The following KRTAP10-12 variants were observed in gnomAD, a reference collection of about 807,000 sequenced individuals.
KRTAP10-12 encodes keratin associated protein 10-12.
For missense variants in KRTAP10-12, 311 were observed against 324.4 expected (o/e 0.96, Z 0.32); for synonymous variants, 142 against 139.1 (o/e 1.02, Z -0.14).
Position 44,697,942 on chromosome 21 carries a change from C to G in KRTAP10-12, c.*3C>G. On this transcript the variant is annotated 3_prime_UTR_variant, in exon 1 of 1. Coordinates refer to ENST00000400365, the MANE Select transcript of KRTAP10-12 (RefSeq NM_198699.1). ...CATGTTCCCGCCTGGCCTGCTGAGG[C>G]CTCTGCTCAGGCCAGAAGTCCAGCT... The G allele has an allele frequency of 6.2e-7, 1 of 1,609,324 alleles. No homozygotes were observed. The highest frequency in any genetic ancestry group is 2.2e-5 in the East Asian group (1 of 44,814).
Position 44,697,262 on chromosome 21 carries a change from G to T in KRTAP10-12, c.61G>T (p.Asp21Tyr). Residue 21 changes from aspartate to tyrosine, a missense_variant, in exon 1 of 1, where the codon GAC becomes TAC. By Grantham distance (160) the Asp-to-Tyr change is radical (BLOSUM62 -3). Coordinates refer to ENST00000400365, the MANE Select transcript of KRTAP10-12 (RefSeq NM_198699.1). ...CCGCGTCTGCCTTCCTGGTTCCTGT[G>T]ACTCTTGCTCCGACTCCTGGCAGGT... ...GSRVCLPGSC[D>Y]SCSDSWQVDD... is the part of the protein sequence containing the mutation. 6.2e-7 allele frequency: 1 copy of T among 1,614,078 alleles called. No homozygotes were observed. The highest frequency in any genetic ancestry group is 8.5e-7 in the Non-Finnish European group (1 of 1,180,000).
At position 44,697,881 on chromosome 21, in the gene KRTAP10-12, G is replaced by A. The variant is rs201774066; in HGVS notation, c.680G>A (p.Arg227His). 789 of 1,603,186 alleles carry A rather than the reference G, an allele frequency of 4.9e-4. 9 individuals carry two copies. Among genetic ancestry groups the A allele is most frequent in the Middle Eastern group, 4.5e-3 (27 of 6,010 alleles). Reference protein sequence around the residue: ...PTSSCQPSCGRLASCGSLLCR... With the variant: ...PTSSCQPSCGHLASCGSLLCR... Reference sequence around the variant, plus strand: ...TCCTCCTGCCAGCCAAGCTGCGGCCGCCTGGCCTCCTGCGGGTCCCTCCTC... The same window carrying A: ...TCCTCCTGCCAGCCAAGCTGCGGCCACCTGGCCTCCTGCGGGTCCCTCCTC... Residue 227 changes from arginine to histidine, a missense_variant, in exon 1 of 1, where the codon CGC becomes CAC. By Grantham distance (29) the Arg-to-His change is conservative. Coordinates refer to ENST00000400365, the MANE Select transcript of KRTAP10-12 (RefSeq NM_198699.1).
Position 44,698,015 on chromosome 21 carries a change from C to T in KRTAP10-12, c.*76C>T. 1.3e-6 allele frequency: 2 copies of T among 1,519,798 alleles called. No individual in the cohort carries two copies. The highest frequency in any genetic ancestry group is 8.9e-7 in the Non-Finnish European group (1 of 1,120,574). 94.1% of individuals were successfully genotyped at this position (1,519,798 alleles called of 1,614,324 possible). A position where few individuals can be genotyped will look rare whatever the true frequency, so the allele number is the denominator to read the frequency against. ...GCCACTGGGCACTATGAGTCCCCCA[C>T]CTCTCCCACTACTGGCCCCTCGGCT... On this transcript the variant is annotated 3_prime_UTR_variant, in exon 1 of 1. Transcript: ENST00000400365.
chr21:44,697,499 TG>T lies in KRTAP10-12; in HGVS notation c.299del (p.Cys100SerfsTer169). On this transcript the variant is annotated frameshift_variant, in exon 1 of 1. Transcript: ENST00000400365. LOFTEE classifies it low-confidence loss of function (END_TRUNC). ...GCCGGCTTGCTGCACCTCCTCCCCC[TG>T]CCAGCAGGCCTGCTGCGTGCCCGTC... ...CQPACCTSSP[C>X]QQACCVPVCC... 6.2e-7 allele frequency: 1 copy of T among 1,613,920 alleles called. No homozygotes were observed. Among genetic ancestry groups the T allele is most frequent in the East Asian group, 2.2e-5 (1 of 44,882 alleles).
Position 44,697,828 on chromosome 21 carries a change from G to T in KRTAP10-12, c.627G>T (p.Val209=), listed in dbSNP as rs782380109. The change falls in exon 1 of 1, where the codon GTG becomes GTT. Residue 209 remains valine, a synonymous_variant. Coordinates refer to ENST00000400365, the MANE Select transcript of KRTAP10-12 (RefSeq NM_198699.1). The part of the protein sequence containing the change: ...CRPVCRPARR[V]PVPSCCVPTS... ...CTGTGTGCAGACCCGCCCGCCGCGT[G>T]CCCGTCCCCTCCTGCTGTGTCCCCA... 116 of 1,613,372 alleles carry T rather than the reference G, an allele frequency of 7.2e-5. No homozygotes were observed. Among genetic ancestry groups the T allele is most frequent in the Admixed American group, 1.7e-4 (10 of 59,974 alleles).
chr21:44,697,560 G>T lies in KRTAP10-12; in HGVS notation c.359G>T (p.Cys120Phe). The change falls in exon 1 of 1, where the codon TGT (cysteine) becomes TTT (phenylalanine). Residue 120 changes from cysteine to phenylalanine, a missense_variant. Physicochemically the swap from Cys to Phe is radical, Grantham distance 205 (BLOSUM62 -2). Coordinates refer to ENST00000400365, the MANE Select transcript of KRTAP10-12 (RefSeq NM_198699.1). ...ACTGTCTGCTGCAAGCCTGTGTGCT[G>T]TATGCCCGTCTGCTGTGGGCCTTCT... ...CKTVCCKPVC[C>F]MPVCCGPSSS... 1 of 1,613,116 alleles carries T rather than the reference G, an allele frequency of 6.2e-7. No homozygotes were observed. Among genetic ancestry groups the T allele is most frequent in the Admixed American group, 1.7e-5 (1 of 59,910 alleles).
chr21:44,697,316 C>G lies in KRTAP10-12; in HGVS notation c.115C>G (p.Pro39Ala). The G allele has an allele frequency of 1.9e-6, 3 of 1,613,422 alleles. No individual in the cohort carries two copies. Among genetic ancestry groups the G allele is most frequent in the Non-Finnish European group, 2.5e-6 (3 of 1,179,962 alleles). ...VDDCPESCCE[P>A]PCCAPAPCLS... Reference sequence around the variant, plus strand: ...CGACTGCCCAGAGAGCTGCTGTGAGCCCCCCTGCTGCGCCCCGGCCCCCTG... The same window carrying G: ...CGACTGCCCAGAGAGCTGCTGTGAGGCCCCCTGCTGCGCCCCGGCCCCCTG... Residue 39 changes from proline to alanine, a missense_variant, in exon 1 of 1, where the codon CCC (proline) becomes GCC (alanine). Physicochemically the swap from Pro to Ala is conservative, Grantham distance 27. Transcript: ENST00000400365.
chr21:44,697,868 C>A lies in KRTAP10-12; in HGVS notation c.667C>A (p.Pro223Thr), dbSNP rs781851587. ...SCCVPTSSCQPSCGRLASCGS... is the reference protein window; with the variant it reads ...SCCVPTSSCQTSCGRLASCGS... ...CTGTGTCCCCACCTCCTCCTGCCAGCCAAGCTGCGGCCGCCTGGCCTCCTG... is the reference window on the plus strand; with the variant it reads ...CTGTGTCCCCACCTCCTCCTGCCAGACAAGCTGCGGCCGCCTGGCCTCCTG... The change falls in exon 1 of 1, where the codon CCA becomes ACA. Residue 223 changes from proline (P) to threonine (T), a missense_variant. Coordinates refer to ENST00000400365, the MANE Select transcript of KRTAP10-12 (RefSeq NM_198699.1). 6.2e-7 allele frequency: 1 copy of A among 1,603,668 alleles called. No homozygotes were observed. Among genetic ancestry groups the A allele is most frequent in the Non-Finnish European group, 8.5e-7 (1 of 1,174,852 alleles).
rs1288210563 is a variant in KRTAP10-12, at chr21:44,697,319, C to A, written c.118C>A (p.Pro40Thr). Residue 40 changes from proline to threonine, a missense_variant, in exon 1 of 1, where the codon CCC becomes ACC. Coordinates refer to ENST00000400365, the MANE Select transcript of KRTAP10-12 (RefSeq NM_198699.1). ...DDCPESCCEP[P>T]CCAPAPCLSL... Reference sequence around the variant, plus strand: ...CTGCCCAGAGAGCTGCTGTGAGCCCCCCTGCTGCGCCCCGGCCCCCTGCCT... The same window carrying A: ...CTGCCCAGAGAGCTGCTGTGAGCCCACCTGCTGCGCCCCGGCCCCCTGCCT... 4.3e-6 allele frequency: 7 copies of A among 1,612,408 alleles called. No individual in the cohort carries two copies. Among genetic ancestry groups the A allele is most frequent in the African/African-American group, 4.0e-5 (3 of 74,144 alleles).
chr21:44,697,801 C>T lies in KRTAP10-12; in HGVS notation c.600C>T (p.Arg200=). The T allele has an allele frequency of 1.2e-6, 2 of 1,613,752 alleles. No homozygotes were observed. The highest frequency in any genetic ancestry group is 1.7e-6 in the Non-Finnish European group (2 of 1,179,902). Residue 200 remains arginine, a synonymous_variant, in exon 1 of 1, where the codon CGC becomes CGT. Coordinates refer to ENST00000400365, the MANE Select transcript of KRTAP10-12 (RefSeq NM_198699.1). ...RPSSSVSLLC[R]PVCRPARRVP... Reference sequence around the variant, plus strand: ...CCTCCTCCGTGTCCCTCCTCTGCCGCCCTGTGTGCAGACCCGCCCGCCGCG... The same window carrying T: ...CCTCCTCCGTGTCCCTCCTCTGCCGTCCTGTGTGCAGACCCGCCCGCCGCG...
rs782320615 is a variant in KRTAP10-12 at position 44,697,985 on chromosome 21, C to T, written c.*46C>T. 7 of 1,579,244 alleles carry T rather than the reference C, an allele frequency of 4.4e-6. No individual in the cohort carries two copies. Among genetic ancestry groups the T allele is most frequent in the Non-Finnish European group, 6.0e-6 (7 of 1,161,706 alleles). ...GTCCAGCTGCTGCCAGGCATGTCCC[C>T]CAGGGCCACTGGGCACTATGAGTCC... On this transcript the variant is annotated 3_prime_UTR_variant, in exon 1 of 1. Coordinates refer to ENST00000400365, the MANE Select transcript of KRTAP10-12 (RefSeq NM_198699.1).
Position 44,698,002 on chromosome 21 carries a change from T to C in KRTAP10-12, c.*63T>C, listed in dbSNP as rs918544197. On this transcript the variant is annotated 3_prime_UTR_variant, in exon 1 of 1. Transcript: ENST00000400365. ...CATGTCCCCCAGGGCCACTGGGCAC[T>C]ATGAGTCCCCCACCTCTCCCACTAC... The C allele has an allele frequency of 1.8e-5, 28 of 1,554,606 alleles. No individual in the cohort carries two copies. The highest frequency in any genetic ancestry group is 3.7e-5 in the South Asian group (3 of 81,760).
In KRTAP10-12 at chr21:44,697,853, ACCT is replaced by A; in HGVS notation, c.659_661del (p.Ser220del). On this transcript the variant is annotated inframe_deletion, in exon 1 of 1. Coordinates refer to ENST00000400365, the MANE Select transcript of KRTAP10-12 (RefSeq NM_198699.1). ...GCCCGTCCCCTCCTGCTGTGTCCCC[ACCT>A]CCTCCTGCCAGCCAAGCTGCGGCCG... The A allele has an allele frequency of 1.3e-6, 2 of 1,599,492 alleles. No individual in the cohort carries two copies. The highest frequency in any genetic ancestry group is 1.4e-5 in the African/African-American group (1 of 73,054).
At position 44,697,701 on chromosome 21, in the gene KRTAP10-12, C is replaced by T; in HGVS notation, c.500C>T (p.Ser167Phe). 6.2e-7 allele frequency: 1 copy of T among 1,612,714 alleles called. No homozygotes were observed. The highest frequency in any genetic ancestry group is 8.5e-7 in the Non-Finnish European group (1 of 1,179,830). Residue 167 changes from serine (S) to phenylalanine (F), a missense_variant, in exon 1 of 1, where the codon TCT becomes TTT. Ser to Phe is a radical substitution (Grantham distance 155). Coordinates refer to ENST00000400365, the MANE Select transcript of KRTAP10-12 (RefSeq NM_198699.1). Reference sequence around the variant, plus strand: ...CCCATCTGCTGTGTGCCTGTCTGCTCTGGGGCCTCCTCTCTGTGCTGCCAG... The same window carrying T: ...CCCATCTGCTGTGTGCCTGTCTGCTTTGGGGCCTCCTCTCTGTGCTGCCAG... The part of the protein sequence containing the change: ...CKPICCVPVC[S>F]GASSLCCQQS...
Position 44,697,577 on chromosome 21 carries a change from G to A in KRTAP10-12, c.376G>A (p.Gly126Arg). The A allele has an allele frequency of 1.9e-6, 3 of 1,612,676 alleles. No individual in the cohort carries two copies. The highest frequency in any genetic ancestry group is 2.5e-6 in the Non-Finnish European group (3 of 1,179,758). ...TGTGTGCTGTATGCCCGTCTGCTGT[G>A]GGCCTTCTTCTTCATGCTGCCAGCA... ...KPVCCMPVCC[G>R]PSSSCCQQSS... Residue 126 changes from glycine (G) to arginine (R), a missense_variant, in exon 1 of 1, where the codon GGG (glycine) becomes AGG (arginine). Physicochemically the swap from Gly to Arg is moderately radical, Grantham distance 125 (BLOSUM62 -2). Transcript: ENST00000400365.
rs782192769 is a variant in KRTAP10-12 at position 44,697,742 on chromosome 21, C to A, written c.541C>A (p.Pro181Thr). The change falls in exon 1 of 1, where the codon CCA becomes ACA. Residue 181 changes from proline (P) to threonine (T), a missense_variant. Physicochemically the swap from Pro to Thr is conservative, Grantham distance 38. Transcript: ENST00000400365. ...GTGCTGCCAGCAGTCTAGCTGCCAGCCAGCTTGCTGCACCACCTCCTGCTG... is the reference window on the plus strand; with the variant it reads ...GTGCTGCCAGCAGTCTAGCTGCCAGACAGCTTGCTGCACCACCTCCTGCTG... Reference protein sequence around the residue: ...SLCCQQSSCQPACCTTSCCRP... With the variant: ...SLCCQQSSCQTACCTTSCCRP... 3.1e-6 allele frequency: 5 copies of A among 1,614,012 alleles called. No individual in the cohort carries two copies. The East Asian group carries it at 8.9e-5, about 29-fold the overall frequency.
In KRTAP10-12 at chr21:44,697,835, C is replaced by T; in HGVS notation, c.634C>T (p.Pro212Ser). Residue 212 changes from proline (P) to serine (S), a missense_variant, in exon 1 of 1, where the codon CCC becomes TCC. By Grantham distance (74) the Pro-to-Ser change is moderately conservative (BLOSUM62 -1). Transcript: ENST00000400365. ...VCRPARRVPV[P>S]SCCVPTSSCQ... ...CAGACCCGCCCGCCGCGTGCCCGTC[C>T]CCTCCTGCTGTGTCCCCACCTCCTC... The T allele has an allele frequency of 6.2e-7, 1 of 1,613,574 alleles. No homozygotes were observed. Among genetic ancestry groups the T allele is most frequent in the Non-Finnish European group, 8.5e-7 (1 of 1,179,856 alleles).
chr21:44,697,833 T>A lies in KRTAP10-12; in HGVS notation c.632T>A (p.Val211Asp). 6.2e-7 allele frequency: 1 copy of A among 1,613,270 alleles called. No homozygotes were observed. Among genetic ancestry groups the A allele is most frequent in the Non-Finnish European group, 8.5e-7 (1 of 1,179,820 alleles). Residue 211 changes from valine to aspartate, a missense_variant, in exon 1 of 1, where the codon GTC (valine) becomes GAC (aspartate). Coordinates refer to ENST00000400365, the MANE Select transcript of KRTAP10-12 (RefSeq NM_198699.1). The part of the protein sequence containing the change: ...PVCRPARRVP[V>D]PSCCVPTSSC... ...TGCAGACCCGCCCGCCGCGTGCCCG[T>A]CCCCTCCTGCTGTGTCCCCACCTCC...
In KRTAP10-12 at chr21:44,697,391, C is replaced by T. The variant is rs370764650; in HGVS notation, c.190C>T (p.Arg64Ter). 17 of 1,613,462 alleles carry T rather than the reference C, an allele frequency of 1.1e-5. No homozygotes were observed. The East Asian group carries it at 2.7e-4, about 25-fold the overall frequency. The change falls in exon 1 of 1, where the codon CGA (arginine) becomes TGA (stop). Residue 64 changes from arginine (R) to a stop codon, truncating the protein, a stop_gained. Transcript: ENST00000400365. LOFTEE classifies it low-confidence loss of function (END_TRUNC). ...GAGCCGTGTATCCAGCCCCTGCTGC[C>T]GAGTGACCTGTGAGCCCAGCCCCTG... ...PVSRVSSPCCRVTCEPSPCQS... is the reference protein window; with the variant it reads ...PVSRVSSPCC
Sources: allele counts gnomAD v4.1 joint callset, GRCh38; gene constraint gnomAD v4.1.1; transcripts MANE v1.5; gene names NCBI Gene and HGNC (gene_info 2026-07-23, HGNC 2026-07-21).